The following TMPRSS6 variants were observed in gnomAD, a reference collection of about 807,000 sequenced individuals.
TMPRSS6 encodes transmembrane serine protease 6, also known as transmembrane protease serine 6.
Under a neutral mutation model 101.5 loss-of-function variants are expected in TMPRSS6, and 67 were observed. That is an observed-to-expected ratio of 0.66 (90% CI 0.54 to 0.81). The LOEUF is 0.81. Among genes scored for constraint, TMPRSS6 ranks in the 30% least tolerant of loss-of-function variants. The probability of loss-of-function intolerance (pLI) is 0.00; values close to 1 mark genes in which losing one functional copy is unlikely to be tolerated. For missense variants in TMPRSS6, 1,034 were observed against 1,088.7 expected (o/e 0.95, Z 0.71); for synonymous variants, 453 against 464.9 (o/e 0.97, Z 0.33).
chr22:37,070,660 T>C lies in TMPRSS6; in HGVS notation c.1673-8A>G, dbSNP rs375893610. ...GGCCCTGGAGGCCACAGTCTGGGGA[T>C]GGGGGCAGGTGGTGGGGTGGACAGA... On this transcript the variant is annotated splice_polypyrimidine_tract_variant and splice_region_variant and intron_variant, in intron 14 of 17. Transcript: ENST00000676104. The C allele has an allele frequency of 1.2e-5, 20 of 1,610,178 alleles. No homozygotes were observed. The African/African-American group carries it at 2.6e-4, about 21-fold the overall frequency.
chr22:37,095,132 G>A (rs570512998), intron 6 of TMPRSS6, among the ~76,000 whole-genome samples: 73 of 152,288 alleles, frequency 4.8e-4, no homozygotes, highest in African/African-American at 1.7e-3. Context: ...CAATGGCACC[G>A]CTACCTCCAA....
At chr22:37,067,876 G>T (rs1196611597) in intron 16 of TMPRSS6, among the ~76,000 whole-genome samples, 1 of 151,900 alleles carries the variant, frequency 6.6e-6, no homozygotes, top group African/African-American at 2.4e-5. Flanking sequence ...TGCCATTCTG[G>T]TTGCTCCTCG....
chr22:37,106,369 G>T (rs5995381), intron 1 of TMPRSS6, among the ~76,000 whole-genome samples: 1 of 152,076 alleles, frequency 6.6e-6, no homozygotes, highest in Non-Finnish European at 1.5e-5. Context: ...TCATGGTGGG[G>T]TGCTTGGTGG....
Position 37,071,050 on chromosome 22 carries a change from G to A in TMPRSS6, c.1556-18C>T, listed in dbSNP as rs764706400. ...TGGCACCCCTGGGACAGAGGGGATG[G>A]GGGCAGGGCACAGAAGGTGGGTCTC... On this transcript the variant is annotated intron_variant, in intron 13 of 17. Transcript: ENST00000676104. 1 of 1,609,778 alleles carries A rather than the reference G, an allele frequency of 6.2e-7. No homozygotes were observed. The highest frequency in any genetic ancestry group is 1.7e-5 in the Admixed American group (1 of 60,000).
intron 7 of TMPRSS6, among the ~76,000 whole-genome samples, chr22:37,088,576 G>A (rs887076834): frequency 6.6e-5 from 10 of 152,122 alleles, no homozygotes; most frequent in Non-Finnish European, 8.8e-5. Context: ...GCTCCCAGAG[G>A]TCAAGGCCAT....
At chr22:37,086,157 T>C in intron 8 of TMPRSS6, 126 bp downstream of exon 8, 1 of 1,331,960 alleles carries the variant, frequency 7.5e-7, no homozygotes. Context: ...AGCAGGAGCT[T>C]CCAGAATCTT....
rs773975924 is a variant in TMPRSS6, at chr22:37,089,602, G to T, written c.812C>A (p.Pro271His). The change falls in exon 7 of 18, where the codon CCC (proline) becomes CAC (histidine). Residue 271 changes from proline to histidine, a missense_variant. By Grantham distance (77) the Pro-to-His change is moderately conservative (BLOSUM62 -2). Coordinates refer to ENST00000676104, the MANE Select transcript of TMPRSS6 (RefSeq NM_001374504.1). ...CGAGGTGATGAGCCTCTTCTCCAGG[G>T]GCCCGGCCACGTCATACATGGCCAG... ...DRLAMYDVAG[P>H]LEKRLITSVY... 19 of 1,611,794 alleles carry T rather than the reference G, an allele frequency of 1.2e-5. No homozygotes were observed. Among genetic ancestry groups the T allele is most frequent in the Non-Finnish European group, 1.5e-5 (18 of 1,179,410 alleles).
At chr22:37,075,945 G>A (rs1413105457) in intron 10 of TMPRSS6, among the ~76,000 whole-genome samples, 1 of 144,912 alleles carries the variant, frequency 6.9e-6, no homozygotes, top group Non-Finnish European at 1.5e-5. Flanking sequence ...AAGGAGGGAG[G>A]GAAAGAAGGA....
chr22:37,074,650 C>T lies in TMPRSS6; in HGVS notation c.1401G>A (p.Gly467=). The T allele has an allele frequency of 6.2e-7, 1 of 1,614,184 alleles. No individual in the cohort carries two copies. Among genetic ancestry groups the T allele is most frequent in the South Asian group, 1.1e-5 (1 of 91,078 alleles). ...VNGLCVPACD[G]VKDCPNGLDE... Reference sequence around the variant, plus strand: ...CCAGGCCGTTGGGGCAGTCCTTGACCCCATCACAGGCAGGGACACAGAGTC... The same window carrying T: ...CCAGGCCGTTGGGGCAGTCCTTGACTCCATCACAGGCAGGGACACAGAGTC... Residue 467 remains glycine (G), a synonymous_variant, in exon 12 of 18, where the codon GGG becomes GGA. Coordinates refer to ENST00000676104, the MANE Select transcript of TMPRSS6 (RefSeq NM_001374504.1).
chr22:37,086,546 C>T (rs1355870490), intron 7 of TMPRSS6, 127 bp from the exon 8 acceptor site: 16 of 950,990 alleles, frequency 1.7e-5, no homozygotes, highest in Non-Finnish European at 2.3e-5. Context: ...TCCGGGTCTC[C>T]TACCAGAGAC....
rs777161515 is a variant in TMPRSS6 at position 37,069,166 on chromosome 22, C to T, written c.2020G>A (p.Ala674Thr). 6.3e-6 allele frequency: 10 copies of T among 1,583,444 alleles called. No homozygotes were observed. The Middle Eastern group carries it at 5.0e-4, about 79-fold the overall frequency. The change falls in exon 16 of 18, where the codon GCC becomes ACC. Residue 674 changes from alanine to threonine, a missense_variant. Transcript: ENST00000676104. The surrounding 1 kb of genome is among the most constrained non-coding windows in gnomAD (Gnocchi z 4.8). ...GCGGGCAGGCAGACGGGGCGCACGG[C>T]GGCCGAGCGCACCACCGGGTGGTCG... ...QLDHPVVRSAAVRPVCLPARS... is the reference protein window; with the variant it reads ...QLDHPVVRSATVRPVCLPARS...
chr22:37,096,312 G>A (rs1929759199), intron 4 of TMPRSS6, among the ~76,000 whole-genome samples: 1 of 152,224 alleles, frequency 6.6e-6, no homozygotes, highest in African/African-American at 2.4e-5. Context: ...CATAAACTAT[G>A]CCGCAAGTAG....
In TMPRSS6 at chr22:37,101,448, GTCC is replaced by G. The variant is rs1159902205; in HGVS notation, c.202+1765_202+1767del. Among the ~76,000 whole-genome samples, 1 of 152,098 alleles carries G rather than the reference GTCC, an allele frequency of 6.6e-6. No homozygotes were observed. Among genetic ancestry groups the G allele is most frequent in the Non-Finnish European group, 1.5e-5 (1 of 67,990 alleles). ...CCACACCCTCTCCTCGGGCCAGGCTGTCCTCCTCGCTTGGGGCCTGTCCTGCTC... is the reference window on the plus strand; with the variant it reads ...CCACACCCTCTCCTCGGGCCAGGCTGTCCTCGCTTGGGGCCTGTCCTGCTC... On this transcript the variant is annotated intron_variant, in intron 2 of 17. Coordinates refer to ENST00000676104, the MANE Select transcript of TMPRSS6 (RefSeq NM_001374504.1). The surrounding 1 kb of genome is among the most constrained non-coding windows in gnomAD (Gnocchi z 4.1).
At chr22:37,077,973 C>T (rs1395119534) in intron 10 of TMPRSS6, among the ~76,000 whole-genome samples, 2 of 152,196 alleles carry the variant, frequency 1.3e-5, no homozygotes, top group Non-Finnish European at 2.9e-5. Flanking sequence ...CGAGGCACCG[C>T]CAGGGGGCGC....
At chr22:37,102,935 G>A (rs1360186243) in intron 2 of TMPRSS6, among the ~76,000 whole-genome samples, 1 of 152,058 alleles carries the variant, frequency 6.6e-6, no homozygotes, top group African/African-American at 2.4e-5. Context: ...CAAGAACTGG[G>A]TGCTAGGAGG....
chr22:37,077,704 G>A (rs543987594), intron 10 of TMPRSS6, among the ~76,000 whole-genome samples: 5 of 152,136 alleles, frequency 3.3e-5, no homozygotes, highest in Non-Finnish European at 7.4e-5. Context: ...TACTTTTGGA[G>A]GATGCAACTA....
chr22:37,106,040 G>T (rs1260999319), intron 1 of TMPRSS6, among the ~76,000 whole-genome samples: 1 of 152,098 alleles, frequency 6.6e-6, no homozygotes, highest in African/African-American at 2.4e-5. Context: ...GTGGTAACAG[G>T]TGACATTTAT....
intron 10 of TMPRSS6, among the ~76,000 whole-genome samples, chr22:37,078,948 G>GAAA (rs1761220624): frequency 0.025 from 2,593 of 102,708 alleles, 114 homozygotes; most frequent in African/African-American, 0.082. Flanking sequence ...AGAAGGAGAA[G>GAAA]GAGAAAAAGA....
intron 10 of TMPRSS6, among the ~76,000 whole-genome samples, chr22:37,078,973 A>AAAGAAAGAAAGAAAGAAAG (rs1928005374): frequency 1.9e-5 from 2 of 106,590 alleles, no homozygotes; most frequent in Non-Finnish European, 3.9e-5. Context: ...GAAAGAAAGA[A>AAAGAAAGAAAGAAAGAAAG]AAAGAAAGAA....
Sources: allele counts gnomAD v4.1 joint callset (sites outside exome capture counted in the v4.1 genomes callset), GRCh38; gene constraint gnomAD v4.1.1; non-coding constraint Gnocchi (gnomAD v3.1); transcripts MANE v1.5; gene names NCBI Gene and HGNC (gene_info 2026-07-23, HGNC 2026-07-21).